PCLO: variants seen among roughly 807,000 people sequenced by gnomAD.
PCLO encodes the protein piccolo presynaptic cytomatrix protein.
A neutral mutation model predicts 427.5 loss-of-function variants in PCLO; 82 were observed. The ratio of observed to expected loss-of-function variants is 0.19; its 90% CI spans 0.16 to 0.23. The LOEUF (loss-of-function observed/expected upper bound fraction) is 0.23, where lower values mean the gene tolerates loss of function less well. Ranked by LOEUF, PCLO falls within the 10% of genes least tolerant of loss-of-function variation. PCLO has a pLI of 1.00. For missense variants in PCLO, 6,239 were observed against 6,115.9 expected, an observed-to-expected ratio of 1.02 and a Z score of -0.67; for synonymous variants, 2,357 against 2,155.4, an observed-to-expected ratio of 1.09 and a Z score of -2.59.
intron 3 of PCLO, among the ~76,000 whole-genome samples, chr7:83,087,211 T>TA (rs1336880676): frequency 4.2e-5 from 4 of 94,618 alleles, no homozygotes; most frequent in Non-Finnish European, 8.1e-5. Flanking sequence ...CCCTAGAACT[T>TA]AAAGCATAAT....
intron 3 of PCLO, among the ~76,000 whole-genome samples, chr7:82,978,568 T>C (rs879432284): frequency 1.3e-5 from 2 of 152,040 alleles, no homozygotes; most frequent in Non-Finnish European, 2.9e-5. Flanking sequence ...AGTAATTATA[T>C]AGGAACTAGC....
rs1318557792 is a variant in PCLO at position 83,057,423 on chromosome 7, G to A, written c.3300+76827C>T. Among the ~76,000 whole-genome samples the A allele has an allele frequency of 8.0e-5, 10 of 125,636 alleles. 1 individual carries two copies. In the South Asian group the frequency reaches 1.4e-3, roughly 18 times the overall value. The allele number at this position is 125,636 out of a possible 152,430, so 82.4% of individuals were successfully genotyped here. A position where few individuals can be genotyped will look rare whatever the true frequency, so the allele number is the denominator to read the frequency against. ...GTCACCCAGGCTGGAGTGCAGTGGC[G>A]CAATCTCGGCTCACTGAAAGCTCTG... is the stretch of plus-strand genomic sequence containing the variant. On this transcript the variant is annotated intron_variant, in intron 3 of 24. Transcript: ENST00000333891.
intron 6 of PCLO, among the ~76,000 whole-genome samples, chr7:82,931,832 T>A (rs1015029780): frequency 6.6e-6 from 1 of 152,064 alleles, no homozygotes; most frequent in Non-Finnish European, 1.5e-5. Flanking sequence ...CAGCCCTCAC[T>A]TAAAGAGAGG....
intron 1 of PCLO, among the ~76,000 whole-genome samples, chr7:83,159,402 C>T (rs1041962082): frequency 6.6e-6 from 1 of 151,966 alleles, no homozygotes; most frequent in African/African-American, 2.4e-5. Context: ...AAGCCCTTCT[C>T]ATATGATATA....
intron 2 of PCLO, among the ~76,000 whole-genome samples, chr7:83,153,132 C>T (rs958382148): frequency 7.3e-5 from 11 of 150,842 alleles, no homozygotes; most frequent in African/African-American, 2.7e-4. Context: ...TGGGGAGAAA[C>T]ATATTTTACC....
Position 82,951,197 on chromosome 7 carries a change from G to C in PCLO, c.9391C>G (p.Pro3131Ala). Reference protein sequence around the residue: ...IHTADAVTSLPAMHHSQPMPR... With the variant: ...IHTADAVTSLAAMHHSQPMPR... ...ATTGGCTGGCTATGGTGCATGGCAG[G>C]TAATGAAGTCACTGCATCAGCCGTA... is the stretch of plus-strand genomic sequence containing the variant. Residue 3131 changes from proline to alanine, a missense_variant, in exon 6 of 25, where the codon CCT becomes GCT. Pro to Ala is a conservative substitution (Grantham distance 27, BLOSUM62 -1). Transcript: ENST00000333891. 1 of 1,613,696 alleles carries C rather than the reference G, an allele frequency of 6.2e-7. No homozygotes were observed. The highest frequency in any genetic ancestry group is 8.5e-7 in the Non-Finnish European group (1 of 1,179,756).
rs560788802 is a variant in PCLO, at chr7:83,155,100, G to A, written c.1541C>T (p.Pro514Leu). 2 of 1,591,308 alleles carry A rather than the reference G, an allele frequency of 1.3e-6. No homozygotes were observed. Among genetic ancestry groups the A allele is most frequent in the East Asian group, 4.6e-5 (2 of 43,866 alleles). Residue 514 changes from proline (P) to leucine (L), a missense_variant, in exon 2 of 25, where the codon CCT (proline) becomes CTT (leucine). Pro to Leu is a moderately conservative substitution (Grantham distance 98). Around this residue, in one of 5 missense-constraint regions of PCLO, gnomAD observed 4,677 missense variants for 4,468.4 expected, o/e 1.05. Transcript: ENST00000333891. The stretch of plus-strand genomic sequence containing the variant: ...TTGAGGTGAGGGCTTTGCTGGGCCA[G>A]GCTGTTGAGGTGGGGGTTTTGTTGA... ...PGSTKPPPQQPGPAKPSPQQP... is the reference protein window; with the variant it reads ...PGSTKPPPQQLGPAKPSPQQP...
chr7:82,971,371 TTATAAA>T (rs1281282736), intron 3 of PCLO, among the ~76,000 whole-genome samples: 2 of 151,492 alleles, frequency 1.3e-5, no homozygotes, highest in African/African-American at 2.4e-5. Flanking sequence ...AAATATCTTC[TTATAAA>T]TATAGTAAGA....
At chr7:82,773,834 C>T (rs1214383647) in intron 22 of PCLO, among the ~76,000 whole-genome samples, 3 of 152,008 alleles carry the variant, frequency 2.0e-5, no homozygotes, top group Non-Finnish European at 4.4e-5. Context: ...TAGCTTCTGA[C>T]TTCCAGGGTT....
intron 3 of PCLO, among the ~76,000 whole-genome samples, chr7:83,003,774 T>C (rs1787880649): frequency 6.6e-6 from 1 of 151,850 alleles, no homozygotes; most frequent in African/African-American, 2.4e-5. Flanking sequence ...TTTGCATCTA[T>C]GTTCACCAGG....
intron 3 of PCLO, among the ~76,000 whole-genome samples, chr7:83,031,384 TA>T (rs1788661717): frequency 6.6e-6 from 1 of 152,266 alleles, no homozygotes; most frequent in Non-Finnish European, 1.5e-5. Context: ...CTGGAGTCCA[TA>T]AAAAATTATA....
At chr7:83,107,975 G>T (rs1158759657) in intron 3 of PCLO, among the ~76,000 whole-genome samples, 2 of 122,188 alleles carry the variant, frequency 1.6e-5, no homozygotes, top group African/African-American at 6.6e-5. Flanking sequence ...GTGACAGAGT[G>T]AGACTCCGTC....
intron 3 of PCLO, among the ~76,000 whole-genome samples, chr7:83,129,837 G>GT (rs1293948508): frequency 1.3e-5 from 2 of 152,004 alleles, no homozygotes; most frequent in African/African-American, 2.4e-5. Flanking sequence ...CATTAACTAC[G>GT]TAAAAATGCA....
intron 15 of PCLO, 109 bp from the exon 16 acceptor site, chr7:82,835,802 T>C (rs367583164): frequency 1.3e-6 from 1 of 797,692 alleles, no homozygotes; most frequent in Non-Finnish European, 2.1e-6. Flanking sequence ...AAATAATAAC[T>C]AGAGGAGCTA....
chr7:83,001,692 C>A (rs1486272633), intron 3 of PCLO, among the ~76,000 whole-genome samples: 8 of 151,994 alleles, frequency 5.3e-5, no homozygotes, highest in Non-Finnish European at 8.8e-5. Flanking sequence ...CTGGGCTGGG[C>A]AGAACAAAAT....
rs2116614065 is a variant in PCLO, at chr7:83,134,454, A to G, written c.3096T>C (p.Asp1032=). Residue 1032 remains aspartate, a synonymous_variant, in exon 3 of 25, where the codon GAT becomes GAC. Transcript: ENST00000333891. ...ETEKKPPPIK[D]SKSLTAEPQK... ...GAGGCTCAGCTGTTAAAGATTTGCTATCCTTAATAGGTGGTGGCTTTTTTT... is the reference window on the plus strand; with the variant it reads ...GAGGCTCAGCTGTTAAAGATTTGCTGTCCTTAATAGGTGGTGGCTTTTTTT... 3.7e-6 allele frequency: 6 copies of G among 1,613,890 alleles called. No individual in the cohort carries two copies. Among genetic ancestry groups the G allele is most frequent in the Middle Eastern group, 1.6e-4 (1 of 6,062 alleles).
intron 7 of PCLO, among the ~76,000 whole-genome samples, chr7:82,912,985 C>T (rs1028684174): frequency 6.6e-6 from 1 of 152,060 alleles, no homozygotes; most frequent in Middle Eastern, 3.4e-3. Flanking sequence ...ACTCTTTACT[C>T]TTCTGCAATT....
Position 83,096,102 on chromosome 7 carries a change from T to C in PCLO, c.3300+38148A>G, listed in dbSNP as rs566437674. The stretch of plus-strand genomic sequence containing the variant: ...AACTTTCTAACTCTATCCTCTGAGA[T>C]TTTATACATTATTAATAGTATATAT... On this transcript the variant is annotated intron_variant, in intron 3 of 24. Coordinates refer to ENST00000333891, the MANE Select transcript of PCLO (RefSeq NM_033026.6). 1.6e-4 allele frequency among the ~76,000 whole-genome samples: 24 copies of C among 152,258 alleles called. No homozygotes were observed. The South Asian group carries it at 4.8e-3, about 30-fold the overall frequency.
At position 82,838,212 on chromosome 7, in the gene PCLO, A is replaced by C; in HGVS notation, c.14222+6T>G. On this transcript the variant is annotated splice_donor_region_variant and intron_variant, in intron 15 of 24. Transcript: ENST00000333891. ...ATGAGATGAAGTACTTCTTAATTTT[A>C]CTTACCCTCTCCCTGGAAGAAGGTA... is the stretch of plus-strand genomic sequence containing the variant. 1 of 1,592,802 alleles carries C rather than the reference A, an allele frequency of 6.3e-7. No individual in the cohort carries two copies. The highest frequency in any genetic ancestry group is 8.6e-7 in the Non-Finnish European group (1 of 1,165,362).
Sources: gnomAD v4.1 joint callset for allele counts (sites outside exome capture counted in the v4.1 genomes callset) on GRCh38, gnomAD v4.1.1 for gene constraint, gnomAD v4.1.1 regional missense constraint, MANE v1.5 for transcripts, NCBI Gene and HGNC (gene_info 2026-07-23, HGNC 2026-07-21) for gene names.